Variants in TMEM222 observed in about 807,000 individuals in gnomAD.
The protein encoded by TMEM222 is chromosome 1 open reading frame 160.
In TMEM222, 18 loss-of-function variants were observed where a neutral mutation model predicts 25.1. That is an observed-to-expected ratio of 0.72 (90% CI 0.50 to 1.06). The LOEUF is 1.06. TMEM222 is among the 50% of genes least tolerant of loss of function. TMEM222 has a pLI of 0.00. For missense variants in TMEM222, 296 were observed against 293.7 expected (o/e 1.01, Z -0.06); for synonymous variants, 131 against 117.9 (o/e 1.11, Z -0.72).
chr1:27,335,018 G>A (rs2014570661), intron 5 of TMEM222: 2 of 341,186 alleles, frequency 5.9e-6, no homozygotes, highest in South Asian at 3.3e-5. Flanking sequence ...GGCACACGTG[G>A]CTTCCATACC....
intron 1 of TMEM222, among the ~76,000 whole-genome samples, chr1:27,327,799 G>A (rs962430259): frequency 1.3e-5 from 2 of 152,104 alleles, no homozygotes; most frequent in East Asian, 3.8e-4. Flanking sequence ...TAGATACAGG[G>A]TCTCACTGTG....
intron 5 of TMEM222, 141 bp downstream of exon 5, chr1:27,334,422 G>C (rs547194375): frequency 7.2e-7 from 1 of 1,386,690 alleles, no homozygotes; most frequent in East Asian, 2.4e-5. Context: ...TGGTTCTAGA[G>C]TGACGAGCTG....
In TMEM222 at chr1:27,335,674, C is replaced by T; in HGVS notation, c.*208C>T. 5.0e-6 allele frequency: 3 copies of T among 596,434 alleles called. No homozygotes were observed. Among genetic ancestry groups the T allele is most frequent in the Admixed American group, 2.9e-5 (1 of 34,352 alleles). 36.9% of individuals were successfully genotyped at this position (596,434 alleles called of 1,614,324 possible). A position where few individuals can be genotyped will look rare whatever the true frequency, so the allele number is the denominator to read the frequency against. On this transcript the variant is annotated 3_prime_UTR_variant, in exon 6 of 6. Coordinates refer to ENST00000374076, the MANE Select transcript of TMEM222 (RefSeq NM_032125.3). ...CTGCCTCTCAGAAGCACCCTGTCCC[C>T]TCCTCCCCAGGCCTGTGACTCCGGC...
rs2014459312 is a variant in TMEM222 at position 27,330,767 on chromosome 1, G to T, written c.242G>T (p.Gly81Val). 6.2e-7 allele frequency: 1 copy of T among 1,614,166 alleles called. No homozygotes were observed. The highest frequency in any genetic ancestry group is 8.5e-7 in the Non-Finnish European group (1 of 1,180,034). The change falls in exon 2 of 6, where the codon GGA becomes GTA. Residue 81 changes from glycine (G) to valine (V), a missense_variant. Transcript: ENST00000374076. ...CACATGGGCATCTGCACATCCACAGGAGTCATTCGGGACTTCGCGGGCCCC... is the reference window on the plus strand; with the variant it reads ...CACATGGGCATCTGCACATCCACAGTAGTCATTCGGGACTTCGCGGGCCCC... ...IGHMGICTST[G>V]VIRDFAGPYF...
intron 3 of TMEM222, 196 bp from the exon 4 acceptor site, chr1:27,333,762 C>T (rs922188549): frequency 2.7e-5 from 16 of 595,688 alleles, no homozygotes; most frequent in Middle Eastern, 4.4e-4. Context: ...CCATATCCCC[C>T]CAGGATCCCC....
At position 27,333,964 on chromosome 1, in the gene TMEM222, G is replaced by C. The variant is rs1242571129; in HGVS notation, c.318G>C (p.Trp106Cys). Residue 106 changes from tryptophan to cysteine, a missense_variant, in exon 4 of 6, where the codon TGG becomes TGC. Trp to Cys is a radical substitution (Grantham distance 215, BLOSUM62 -2). Transcript: ENST00000374076. ...NMAFGKPAKY[W>C]KLDPAQVYAS... Reference sequence around the variant, plus strand: ...AGCCCTTCTCTCCCCCCAGGTACTGGAAGTTGGACCCTGCTCAGGTCTATG... The same window carrying C: ...AGCCCTTCTCTCCCCCCAGGTACTGCAAGTTGGACCCTGCTCAGGTCTATG... 6.2e-7 allele frequency: 1 copy of C among 1,613,694 alleles called. No homozygotes were observed.
At chr1:27,334,726 G>C in intron 5 of TMEM222, 1 of 1,305,790 alleles carries the variant, frequency 7.7e-7, no homozygotes, top group Non-Finnish European at 1.0e-6. Flanking sequence ...CATGGACACA[G>C]CAGAGCCCAG....
intron 1 of TMEM222, among the ~76,000 whole-genome samples, chr1:27,322,965 C>A (rs2014243394): frequency 6.6e-6 from 1 of 152,136 alleles, no homozygotes; most frequent in Non-Finnish European, 1.5e-5. Context: ...TAACATCAGC[C>A]TTTGTCAGGG....
chr1:27,330,384 G>A lies in TMEM222; in HGVS notation c.195-336G>A, dbSNP rs1480414269. On this transcript the variant is annotated intron_variant, in intron 1 of 5. Coordinates refer to ENST00000374076, the MANE Select transcript of TMEM222 (RefSeq NM_032125.3). ...TGCACTCCAGCCTGGGCGACAGAGC[G>A]AGACTCCATTTGAAAAAAAAAAAAA... Among the ~76,000 whole-genome samples, 15 of 151,586 alleles carry A rather than the reference G, an allele frequency of 9.9e-5. 1 individual carries two copies. The highest frequency in any genetic ancestry group is 6.8e-3 in the Middle Eastern group (2 of 294).
chr1:27,330,328 C>T (rs1462328835), intron 1 of TMEM222, among the ~76,000 whole-genome samples: 6 of 151,252 alleles, frequency 4.0e-5, no homozygotes, highest in Non-Finnish European at 2.9e-5. Context: ...ACTCGGGAGG[C>T]GGAGGTTGCA....
Position 27,332,070 on chromosome 1 carries a change from G to A in TMEM222, c.280G>A (p.Glu94Lys). ...RDFAGPYFVS[E>K]DNMAFGKPAK... is the part of the protein sequence containing the mutation. ...GACCTCTGCTTTTGTCCCTCAACAG[G>A]AGGACAACATGGCCTTTGGAAAGCC... The change falls in exon 3 of 6, where the codon GAG (glutamate) becomes AAG (lysine). Residue 94 changes from glutamate to lysine, a missense_variant and splice_region_variant. Transcript: ENST00000374076. 1 of 1,614,244 alleles carries A rather than the reference G, an allele frequency of 6.2e-7. No homozygotes were observed. The highest frequency in any genetic ancestry group is 8.5e-7 in the Non-Finnish European group (1 of 1,180,050).
chr1:27,322,580 C>T (rs1187830213), intron 1 of TMEM222, among the ~76,000 whole-genome samples, 189 bp downstream of exon 1: 1 of 152,258 alleles, frequency 6.6e-6, no homozygotes, highest in African/African-American at 2.4e-5. Flanking sequence ...GACACGCTCC[C>T]TGCTCTCAAT....
At chr1:27,327,782 A>AT (rs2014388149) in intron 1 of TMEM222, among the ~76,000 whole-genome samples, 5 of 151,480 alleles carry the variant, frequency 3.3e-5, no homozygotes, top group African/African-American at 4.9e-5. Flanking sequence ...TAATTTTTAG[A>AT]TTTTTTTAGA....
In TMEM222 at chr1:27,335,659, G is replaced by A; in HGVS notation, c.*193G>A. On this transcript the variant is annotated 3_prime_UTR_variant, in exon 6 of 6. Transcript: ENST00000374076. ...GGGTTTGTTGTCTCCCTGCCTCTCA[G>A]AAGCACCCTGTCCCCTCCTCCCCAG... 1 of 610,228 alleles carries A rather than the reference G, an allele frequency of 1.6e-6. No individual in the cohort carries two copies. The highest frequency in any genetic ancestry group is 2.9e-6 in the Non-Finnish European group (1 of 341,742). 37.8% of individuals were successfully genotyped at this position (610,228 alleles called of 1,614,324 possible). A position where few individuals can be genotyped will look rare whatever the true frequency, so the allele number is the denominator to read the frequency against.
chr1:27,331,043 GC>G, intron 2 of TMEM222: 1 of 1,420,986 alleles, frequency 7.0e-7, no homozygotes. Flanking sequence ...CCAGCCCTTT[GC>G]CCCCACCCCT....
intron 1 of TMEM222, among the ~76,000 whole-genome samples, chr1:27,329,979 G>A (rs1015212724): frequency 6.6e-6 from 1 of 152,176 alleles, no homozygotes; most frequent in Non-Finnish European, 1.5e-5. Flanking sequence ...GTGCACTCCT[G>A]TAGTCCCAGC....
At chr1:27,330,985 G>A in intron 2 of TMEM222, 181 bp downstream of exon 2, 51 of 1,487,550 alleles carry the variant, frequency 3.4e-5, no homozygotes, top group Non-Finnish European at 4.6e-5. Context: ...TTGCCTCCAG[G>A]ACAGGCCGGG....
At chr1:27,326,377 C>G (rs968769916) in intron 1 of TMEM222, among the ~76,000 whole-genome samples, 1 of 152,004 alleles carries the variant, frequency 6.6e-6, no homozygotes. Context: ...TGTATTCATC[C>G]TTTTAATTTA....
chr1:27,333,605 C>T (rs1375742093), intron 3 of TMEM222: 7 of 401,136 alleles, frequency 1.7e-5, no homozygotes, highest in Admixed American at 6.1e-5. Context: ...TATAAGGACA[C>T]GGATCCCATT....
Sources: gnomAD v4.1 joint callset for allele counts (sites outside exome capture counted in the v4.1 genomes callset) on GRCh38, gnomAD v4.1.1 for gene constraint, MANE v1.5 for transcripts, NCBI Gene and HGNC (gene_info 2026-07-23, HGNC 2026-07-21) for gene names.